The following SHISA6 variants were observed in gnomAD, a reference collection of about 807,000 sequenced individuals.
SHISA6 encodes the protein protein shisa-6.
Under a neutral mutation model 47.9 loss-of-function variants are expected in SHISA6, and 22 were observed. The ratio of observed to expected loss-of-function variants is 0.46; its 90% CI spans 0.33 to 0.66. SHISA6 has a LOEUF of 0.66. SHISA6 is among the 30% of genes least tolerant of loss of function. The probability of loss-of-function intolerance (pLI) is 0.02; values close to 1 mark genes in which losing one functional copy is unlikely to be tolerated. For synonymous variants in SHISA6, 388 were observed against 337.8 expected (o/e 1.15, Z -1.63); for missense variants, 680 against 764.6 (o/e 0.89, Z 1.30).
At chr17:11,528,616 G>A (rs1350964987) in intron 3 of SHISA6, among the ~76,000 whole-genome samples, 1 of 152,134 alleles carries the variant, frequency 6.6e-6, no homozygotes, top group Non-Finnish European at 1.5e-5. Context: ...CTGAGACACA[G>A]ACACTGGGTG....
chr17:11,405,033 G>A (rs955712140), intron 3 of SHISA6, among the ~76,000 whole-genome samples: 1 of 152,046 alleles, frequency 6.6e-6, no homozygotes. Flanking sequence ...TCTGCAGAGC[G>A]AGACAGTAGT....
chr17:11,423,385 G>A (rs890945541), intron 3 of SHISA6, among the ~76,000 whole-genome samples: 2 of 151,446 alleles, frequency 1.3e-5, no homozygotes, highest in Non-Finnish European at 2.9e-5. Context: ...ATGCCTATCA[G>A]TGCAAGGCAG....
chr17:11,515,105 G>A (rs546261470), intron 3 of SHISA6, among the ~76,000 whole-genome samples: 1 of 152,094 alleles, frequency 6.6e-6, no homozygotes, highest in East Asian at 1.9e-4. Flanking sequence ...GGAGGACCCA[G>A]GATTCCCCTA....
intron 3 of SHISA6, among the ~76,000 whole-genome samples, chr17:11,415,930 G>A (rs148062126): frequency 6.6e-6 from 1 of 152,312 alleles, no homozygotes; most frequent in African/African-American, 2.4e-5. Context: ...AAAAGCCCAG[G>A]ATCGAGGTGA....
intron 2 of SHISA6, among the ~76,000 whole-genome samples, chr17:11,314,264 G>T (rs142481777): frequency 6.6e-6 from 1 of 151,914 alleles, no homozygotes; most frequent in Non-Finnish European, 1.5e-5. Flanking sequence ...CATGAAGTTG[G>T]GTTTGTTCAT....
At chr17:11,381,781 G>A (rs528677326) in intron 3 of SHISA6, among the ~76,000 whole-genome samples, 4 of 152,270 alleles carry the variant, frequency 2.6e-5, no homozygotes, top group East Asian at 3.9e-4. Flanking sequence ...TGCCTGTGGG[G>A]CTGTGCTGTG....
intron 3 of SHISA6, among the ~76,000 whole-genome samples, chr17:11,468,620 AC>A (rs1915865064): frequency 6.6e-6 from 1 of 152,198 alleles, no homozygotes; most frequent in Non-Finnish European, 1.5e-5. Context: ...CCCGATTCTC[AC>A]TGGAGAGAAG....
intron 3 of SHISA6, among the ~76,000 whole-genome samples, chr17:11,512,960 A>G (rs892355534): frequency 6.6e-6 from 1 of 151,996 alleles, no homozygotes; most frequent in African/African-American, 2.4e-5. Flanking sequence ...AATTTTCTCA[A>G]TTATTTCCTT....
chr17:11,244,221 C>T (rs996510475), intron 1 of SHISA6, among the ~76,000 whole-genome samples: 1 of 152,130 alleles, frequency 6.6e-6, no homozygotes, highest in African/African-American at 2.4e-5. Context: ...CTCAAGTTCA[C>T]CACCTGATTT....
chr17:11,404,083 A>C (rs903328537), intron 3 of SHISA6, among the ~76,000 whole-genome samples: 1 of 152,266 alleles, frequency 6.6e-6, no homozygotes, highest in African/African-American at 2.4e-5. Flanking sequence ...ACTAAAGTTC[A>C]GTCAAAATAA....
intron 3 of SHISA6, among the ~76,000 whole-genome samples, chr17:11,471,858 C>G (rs1915941871): frequency 6.6e-6 from 1 of 151,974 alleles, no homozygotes; most frequent in Admixed American, 6.6e-5. Context: ...TCTTCTACCC[C>G]CACACATGCA....
At chr17:11,369,197 C>T (rs1314078832) in intron 2 of SHISA6, among the ~76,000 whole-genome samples, 1 of 152,174 alleles carries the variant, frequency 6.6e-6, no homozygotes, top group Non-Finnish European at 1.5e-5. Context: ...ATGAAAGGAA[C>T]TCCCAGCATA....
rs569148169 is a variant in SHISA6 at position 11,313,703 on chromosome 17, A to G, written c.799+50177A>G. On this transcript the variant is annotated intron_variant, in intron 2 of 5. Transcript: ENST00000441885. ...GCCAGGTCAACAGGGTGAGCTGACAACTGGGAAATTGAGGTGGTGTTGCTA... is the reference window on the plus strand; with the variant it reads ...GCCAGGTCAACAGGGTGAGCTGACAGCTGGGAAATTGAGGTGGTGTTGCTA... 2.0e-5 allele frequency among the ~76,000 whole-genome samples: 3 copies of G among 152,246 alleles called. No individual in the cohort carries two copies. The South Asian group carries it at 6.2e-4, about 32-fold the overall frequency.
chr17:11,317,443 A>G (rs914509341), intron 2 of SHISA6, among the ~76,000 whole-genome samples: 4 of 151,816 alleles, frequency 2.6e-5, no homozygotes, highest in Non-Finnish European at 5.9e-5. Flanking sequence ...CATATAGTTT[A>G]TCTTTGTTCA....
At chr17:11,250,435 G>A (rs939112057) in intron 1 of SHISA6, among the ~76,000 whole-genome samples, 2 of 152,156 alleles carry the variant, frequency 1.3e-5, no homozygotes, top group Admixed American at 6.5e-5. Context: ...ATCACCACTC[G>A]CTCCACCCCC....
Position 11,491,768 on chromosome 17 carries a change from G to GTTTTT in SHISA6, c.896-60127_896-60126insTTTTT, listed in dbSNP as rs768280409. Among the ~76,000 whole-genome samples, 555 of 107,794 alleles carry GTTTTT rather than the reference G, an allele frequency of 5.1e-3. 12 individuals are homozygous for GTTTTT. The highest frequency in any genetic ancestry group is 6.5e-3 in the Non-Finnish European group (327 of 50,694). 70.7% of individuals were successfully genotyped at this position (107,794 alleles called of 152,430 possible). A position where few individuals can be genotyped will look rare whatever the true frequency, so the allele number is the denominator to read the frequency against. On this transcript the variant is annotated intron_variant, in intron 3 of 5. Coordinates refer to ENST00000441885, the MANE Select transcript of SHISA6 (RefSeq NM_207386.4). ...GTGTACTGAAAGGGAAGCTGGTGAA[G>GTTTTT]TGTTTTTTTTTTTTTTTTTTTGAGA...
At chr17:11,541,110 TTTTAAG>T (rs1483984563) in intron 3 of SHISA6, among the ~76,000 whole-genome samples, 2 of 152,210 alleles carry the variant, frequency 1.3e-5, no homozygotes, top group East Asian at 1.9e-4. Flanking sequence ...GATCAAGAGA[TTTTAAG>T]TTTATTACCA....
intron 3 of SHISA6, among the ~76,000 whole-genome samples, chr17:11,475,696 T>A (rs1916035631): frequency 6.6e-6 from 1 of 152,094 alleles, no homozygotes; most frequent in African/African-American, 2.4e-5. Flanking sequence ...TTTCTTTTTT[T>A]GAGGATTTTT....
chr17:11,402,727 C>G (rs1320497194), intron 3 of SHISA6, among the ~76,000 whole-genome samples: 6 of 152,218 alleles, frequency 3.9e-5, no homozygotes, highest in Non-Finnish European at 7.3e-5. Flanking sequence ...CATATTCTTT[C>G]ATGCACTGGG....
Sources: gnomAD v4.1 joint callset for allele counts (sites outside exome capture counted in the v4.1 genomes callset) on GRCh38, gnomAD v4.1.1 for gene constraint, MANE v1.5 for transcripts, NCBI Gene and HGNC (gene_info 2026-07-23, HGNC 2026-07-21) for gene names.